FHIT: variants seen among roughly 807,000 people sequenced by gnomAD.
FHIT encodes bis(5'-adenosyl)-triphosphatase.
A neutral mutation model predicts 17.9 loss-of-function variants in FHIT; 19 were observed. That is an observed-to-expected ratio of 1.06 (90% CI 0.74 to 1.56). The LOEUF is 1.56. Ranked by LOEUF, FHIT falls within the 40% of genes most tolerant of loss-of-function variation. FHIT has a pLI of 0.00. For missense variants in FHIT, 248 were observed against 189.2 expected (o/e 1.31, Z -1.82); for synonymous variants, 81 against 69.7 (o/e 1.16, Z -0.81).
At chr3:61,139,594 T>C (rs2037016054) in intron 2 of FHIT, among the ~76,000 whole-genome samples, 1 of 152,050 alleles carries the variant, frequency 6.6e-6, no homozygotes, top group African/African-American at 2.4e-5. Flanking sequence ...CTCAAATCCT[T>C]TGTAGAAGTA....
chr3:60,875,892 G>A (rs1286839210), intron 3 of FHIT, among the ~76,000 whole-genome samples: 1 of 150,008 alleles, frequency 6.7e-6, no homozygotes, highest in Non-Finnish European at 1.5e-5. Context: ...AAATTTCAGG[G>A]TGTCAATTTT....
At chr3:59,975,241 A>G (rs1366399077) in intron 7 of FHIT, among the ~76,000 whole-genome samples, 2 of 152,174 alleles carry the variant, frequency 1.3e-5, no homozygotes, top group Non-Finnish European at 1.5e-5. Flanking sequence ...AAGGCAACAT[A>G]AATGAATAGC....
rs546256153 is a variant in FHIT at position 60,416,994 on chromosome 3, C to T, written c.103+119866G>A. ...GTCCCAGCTACTCGGGAGGCTGAGGCAGGAGAATGGCATGAACCTGGGAGG... is the reference window on the plus strand; with the variant it reads ...GTCCCAGCTACTCGGGAGGCTGAGGTAGGAGAATGGCATGAACCTGGGAGG... On this transcript the variant is annotated intron_variant, in intron 5 of 9. Transcript: ENST00000492590. 3.2e-4 allele frequency among the ~76,000 whole-genome samples: 48 copies of T among 151,558 alleles called. 1 individual carries two copies. The East Asian group carries it at 9.0e-3, about 28-fold the overall frequency.
intron 5 of FHIT, among the ~76,000 whole-genome samples, chr3:60,141,567 A>G (rs1165245847): frequency 6.6e-6 from 1 of 152,150 alleles, no homozygotes; most frequent in Admixed American, 6.5e-5. Context: ...TAGAATTCCT[A>G]AAATCTGTCA....
chr3:60,831,153 A>T (rs1702313181), intron 3 of FHIT, among the ~76,000 whole-genome samples: 1 of 152,218 alleles, frequency 6.6e-6, no homozygotes, highest in African/African-American at 2.4e-5. Flanking sequence ...AATAGTTAAA[A>T]GGAGAAACTC....
chr3:60,688,515 T>C (rs2040912879), intron 4 of FHIT, among the ~76,000 whole-genome samples: 1 of 151,586 alleles, frequency 6.6e-6, no homozygotes, highest in Non-Finnish European at 1.5e-5. Flanking sequence ...CACTGCACCC[T>C]TCACCTCCTG....
At chr3:59,826,245 G>A (rs975457628) in intron 8 of FHIT, among the ~76,000 whole-genome samples, 8 of 152,184 alleles carry the variant, frequency 5.3e-5, no homozygotes, top group Middle Eastern at 3.2e-3. Flanking sequence ...AGCCTCCTGA[G>A]TAGCTGGGAC....
intron 5 of FHIT, among the ~76,000 whole-genome samples, chr3:60,332,931 C>T (rs546871796): frequency 3.4e-4 from 52 of 152,224 alleles, no homozygotes; most frequent in African/African-American, 1.2e-3. Context: ...CACCACTTAA[C>T]GAAAGACTTT....
chr3:60,327,405 C>T (rs1709749571), intron 5 of FHIT, among the ~76,000 whole-genome samples: 2 of 152,264 alleles, frequency 1.3e-5, no homozygotes. Context: ...TGTGCAGCTA[C>T]TTAGCTCTGA....
intron 2 of FHIT, among the ~76,000 whole-genome samples, chr3:61,153,268 G>A (rs1434320355): frequency 6.6e-6 from 1 of 152,088 alleles, no homozygotes; most frequent in African/African-American, 2.4e-5. Flanking sequence ...TTGAAAAATA[G>A]TTGGCTTAAT....
chr3:61,035,723 T>A (rs2033206324), intron 3 of FHIT, among the ~76,000 whole-genome samples: 1 of 152,150 alleles, frequency 6.6e-6, no homozygotes, highest in African/African-American at 2.4e-5. Context: ...ACATAACATC[T>A]CCTTTTAAAA....
At chr3:60,314,946 A>G (rs762563499) in intron 5 of FHIT, among the ~76,000 whole-genome samples, 142 of 152,246 alleles carry the variant, frequency 9.3e-4, no homozygotes, top group Admixed American at 1.6e-3. Context: ...AATAATAATA[A>G]AAGAATTCAG....
intron 5 of FHIT, among the ~76,000 whole-genome samples, chr3:60,486,083 A>T (rs930766521): frequency 2.6e-5 from 4 of 152,128 alleles, no homozygotes; most frequent in African/African-American, 9.7e-5. Flanking sequence ...GCCTCCTCAC[A>T]ATGCCTATTT....
At chr3:60,190,278 G>C (rs1702343491) in intron 5 of FHIT, among the ~76,000 whole-genome samples, 1 of 151,832 alleles carries the variant, frequency 6.6e-6, no homozygotes, top group African/African-American at 2.4e-5. Flanking sequence ...CTGCTTTTCT[G>C]AGATGGCTGA....
At chr3:60,317,729 A>G (rs1247793965) in intron 5 of FHIT, among the ~76,000 whole-genome samples, 2 of 149,970 alleles carry the variant, frequency 1.3e-5, no homozygotes, top group Non-Finnish European at 3.0e-5. Flanking sequence ...CACAGTTGCT[A>G]CAGAACTCTA....
chr3:60,203,075 A>G (rs1166105635), intron 5 of FHIT, among the ~76,000 whole-genome samples: 1 of 152,136 alleles, frequency 6.6e-6, no homozygotes, highest in Non-Finnish European at 1.5e-5. Flanking sequence ...AATCTGACTA[A>G]ACTCTGTGGA....
intron 2 of FHIT, among the ~76,000 whole-genome samples, chr3:61,173,871 A>G (rs73095064): frequency 0.026 from 3,964 of 152,324 alleles, 75 homozygotes; most frequent in Non-Finnish European, 0.038. Context: ...CCCAGCCAGC[A>G]TGTCCCTTCT....
chr3:60,076,875 ACGAC>A (rs1289623139), intron 5 of FHIT, among the ~76,000 whole-genome samples: 6 of 84,446 alleles, frequency 7.1e-5, no homozygotes, highest in Non-Finnish European at 1.6e-4. Context: ...AAAGTGAGAC[ACGAC>A]TGACTGAAAG....
At chr3:59,914,155 T>C (rs1033244395) in intron 8 of FHIT, among the ~76,000 whole-genome samples, 1 of 152,202 alleles carries the variant, frequency 6.6e-6, no homozygotes, top group African/African-American at 2.4e-5. Flanking sequence ...TACCAAAATA[T>C]TATTTCAACA....
Sources: gnomAD v4.1 joint callset for allele counts (sites outside exome capture counted in the v4.1 genomes callset) on GRCh38, gnomAD v4.1.1 for gene constraint, MANE v1.5 for transcripts, NCBI Gene and HGNC (gene_info 2026-07-23, HGNC 2026-07-21) for gene names.